Variants in AKAP6 observed in about 807,000 individuals in gnomAD.
AKAP6 encodes A-kinase anchor protein 6.
AKAP6 carries 58 observed loss-of-function variants against 188.5 expected under a neutral mutation model. The ratio of observed to expected loss-of-function variants is 0.31; its 90% CI spans 0.25 to 0.38. AKAP6 has a LOEUF of 0.38. Among genes scored for constraint, AKAP6 ranks in the 10% least tolerant of loss-of-function variants. The probability of loss-of-function intolerance (pLI) is 1.00; values close to 1 mark genes in which losing one functional copy is unlikely to be tolerated. For missense variants in AKAP6, 2,710 were observed against 2,740.0 expected (o/e 0.99, Z 0.24); for synonymous variants, 989 against 998.6 (o/e 0.99, Z 0.18).
intron 11 of AKAP6, among the ~76,000 whole-genome samples, chr14:32,756,496 G>A (rs2032338026): frequency 6.6e-6 from 1 of 151,888 alleles, no homozygotes; most frequent in African/African-American, 2.4e-5. Context: ...AACAGTGACT[G>A]GCCTGGAGCC....
intron 7 of AKAP6, among the ~76,000 whole-genome samples, chr14:32,618,421 C>T (rs569292569): frequency 1.3e-5 from 2 of 152,324 alleles, no homozygotes; most frequent in Admixed American, 1.3e-4. Flanking sequence ...TAGCTTAGCC[C>T]CCACTTACAA....
At chr14:32,370,115 G>A (rs899876409) in intron 1 of AKAP6, among the ~76,000 whole-genome samples, 1 of 152,220 alleles carries the variant, frequency 6.6e-6, no homozygotes, top group Non-Finnish European at 1.5e-5. Context: ...AAGTCAGTAT[G>A]TTGTGTTCCA....
chr14:32,573,916 T>C (rs1884609285), intron 4 of AKAP6, among the ~76,000 whole-genome samples: 1 of 152,122 alleles, frequency 6.6e-6, no homozygotes, highest in African/African-American at 2.4e-5. Context: ...CATCTCTTGA[T>C]AGGGGGAGAG....
chr14:32,793,726 C>G (rs1293942695), intron 12 of AKAP6, among the ~76,000 whole-genome samples: 2 of 151,368 alleles, frequency 1.3e-5, no homozygotes, highest in Non-Finnish European at 2.9e-5. Context: ...AATATACAGT[C>G]TTTAAACCAT....
chr14:32,684,745 T>TG (rs746496898), intron 8 of AKAP6, among the ~76,000 whole-genome samples: 1 of 91,588 alleles, frequency 1.1e-5, no homozygotes, highest in African/African-American at 5.5e-5. Context: ...TACTTCATGT[T>TG]TTTTTTTTTG....
At chr14:32,696,799 A>AG (rs1890421442) in intron 9 of AKAP6, among the ~76,000 whole-genome samples, 1 of 152,154 alleles carries the variant, frequency 6.6e-6, no homozygotes, top group African/African-American at 2.4e-5. Flanking sequence ...TTGCCTAAAA[A>AG]AAAAAAAAAT....
intron 2 of AKAP6, among the ~76,000 whole-genome samples, chr14:32,471,745 A>G (rs867161195): frequency 2.0e-5 from 3 of 152,082 alleles, no homozygotes; most frequent in Non-Finnish European, 4.4e-5. Context: ...AACTGTTTTT[A>G]TTATCTGTCT....
At chr14:32,811,107 T>C (rs1005250829) in intron 12 of AKAP6, among the ~76,000 whole-genome samples, 2 of 151,658 alleles carry the variant, frequency 1.3e-5, no homozygotes, top group Non-Finnish European at 2.9e-5. Flanking sequence ...GGCATGGTGG[T>C]GGGCGCCTGT....
At chr14:32,692,939 A>G (rs971366027) in intron 8 of AKAP6, among the ~76,000 whole-genome samples, 1 of 152,222 alleles carries the variant, frequency 6.6e-6, no homozygotes, top group African/African-American at 2.4e-5. Context: ...TCTTAGACAC[A>G]TTATAGCCTC....
At chr14:32,620,502 T>C (rs758707640) in intron 7 of AKAP6, among the ~76,000 whole-genome samples, 2 of 152,036 alleles carry the variant, frequency 1.3e-5, no homozygotes, top group Non-Finnish European at 2.9e-5. Context: ...TCCTGTGTCC[T>C]CAGGATGAAA....
intron 7 of AKAP6, among the ~76,000 whole-genome samples, chr14:32,643,679 C>A (rs991466903): frequency 2.6e-5 from 4 of 151,952 alleles, no homozygotes; most frequent in African/African-American, 9.7e-5. Flanking sequence ...AGCATGTTTT[C>A]TTTGTTGTTG....
chr14:32,752,507 A>C (rs1254050447), intron 11 of AKAP6, among the ~76,000 whole-genome samples: 4 of 152,232 alleles, frequency 2.6e-5, no homozygotes, highest in Non-Finnish European at 1.5e-5. Context: ...GGTATAACAG[A>C]CAAATAAGAA....
chr14:32,837,005 C>T lies in AKAP6; in HGVS notation c.*7200C>T, dbSNP rs2034882028. The T allele has an allele frequency of 2.0e-5, 3 of 152,204 alleles. No homozygotes were observed. The highest frequency in any genetic ancestry group is 2.0e-4 in the Admixed American group (3 of 15,284). 9.4% of individuals were successfully genotyped at this position (152,204 alleles called of 1,614,324 possible). A position where few individuals can be genotyped will look rare whatever the true frequency, so the allele number is the denominator to read the frequency against. ...AACTTGCTTTGCCCACTGTTAACTACAGAGCCATATGATAATGGAACATCA... is the reference window on the plus strand; with the variant it reads ...AACTTGCTTTGCCCACTGTTAACTATAGAGCCATATGATAATGGAACATCA... On this transcript the variant is annotated 3_prime_UTR_variant, in exon 14 of 14. Coordinates refer to ENST00000280979, the MANE Select transcript of AKAP6 (RefSeq NM_004274.5).
At position 32,568,734 on chromosome 14, in the gene AKAP6, T is replaced by C. The variant is rs1475605820; in HGVS notation, c.2347-8386T>C. Reference sequence around the variant, plus strand: ...GTAAAGTGTTTGATCTTGTCTGTGCTTCAGTTTCCTCACTATAAAATGGAG... The same window carrying C: ...GTAAAGTGTTTGATCTTGTCTGTGCCTCAGTTTCCTCACTATAAAATGGAG... On this transcript the variant is annotated intron_variant, in intron 4 of 13. Coordinates refer to ENST00000280979, the MANE Select transcript of AKAP6 (RefSeq NM_004274.5). This position sits in a 1 kb window ranked among gnomAD's most constrained non-coding sequence, Gnocchi z 6.2. Among the ~76,000 whole-genome samples, 1 of 152,160 alleles carries C rather than the reference T, an allele frequency of 6.6e-6. No individual in the cohort carries two copies. The highest frequency in any genetic ancestry group is 1.9e-4 in the East Asian group (1 of 5,186).
intron 9 of AKAP6, among the ~76,000 whole-genome samples, chr14:32,719,509 T>C (rs1784652817): frequency 6.6e-6 from 1 of 152,224 alleles, no homozygotes; most frequent in African/African-American, 2.4e-5. Flanking sequence ...ATTTTTCTTC[T>C]TATCCTCAGA....
rs1335420683 is a variant in AKAP6, at chr14:32,832,407, G to GTTCT, written c.*2603_*2606dup. On this transcript the variant is annotated 3_prime_UTR_variant, in exon 14 of 14. Transcript: ENST00000280979. ...ATTCAAAGAACAAACTGACAATGAT[G>GTTCT]TTCTACCTACTTGTTACATGCTCAT... is the stretch of plus-strand genomic sequence containing the variant. 6.6e-6 allele frequency: 1 copy of GTTCT among 152,158 alleles called. No individual in the cohort carries two copies. Among genetic ancestry groups the GTTCT allele is most frequent in the Admixed American group, 6.5e-5 (1 of 15,274 alleles). 9.4% of individuals were successfully genotyped at this position (152,158 alleles called of 1,614,324 possible).
At chr14:32,503,929 TTTG>T (rs1184235557) in intron 2 of AKAP6, among the ~76,000 whole-genome samples, 2 of 151,912 alleles carry the variant, frequency 1.3e-5, no homozygotes, top group African/African-American at 2.4e-5. Context: ...AAAAGGCAAG[TTTG>T]TTATTATTTA....
intron 2 of AKAP6, among the ~76,000 whole-genome samples, chr14:32,435,222 T>C (rs1055608394): frequency 4.6e-5 from 7 of 152,060 alleles, no homozygotes; most frequent in African/African-American, 7.2e-5. Flanking sequence ...CATAAGTAGA[T>C]AGGGGGTTAG....
chr14:32,695,857 A>G (rs1479512756), intron 8 of AKAP6, 133 bp from the exon 9 acceptor site: 1 of 1,140,120 alleles, frequency 8.8e-7, no homozygotes. Context: ...GTGTAACAAC[A>G]TAGAAATTTT....
Sources: gnomAD v4.1 joint callset for allele counts (sites outside exome capture counted in the v4.1 genomes callset) on GRCh38, gnomAD v4.1.1 for gene constraint, Gnocchi (gnomAD v3.1) non-coding constraint, MANE v1.5 for transcripts, NCBI Gene and HGNC (gene_info 2026-07-23, HGNC 2026-07-21) for gene names.